Variants in HUWE1 observed in about 807,000 individuals in gnomAD.
HUWE1 encodes the protein E3 ubiquitin-protein ligase HUWE1.
Under a neutral mutation model 299.4 loss-of-function variants are expected in HUWE1, and 18 were observed. The ratio of observed to expected loss-of-function variants is 0.06; its 90% CI spans 0.04 to 0.09. The LOEUF is 0.09. Ranked by LOEUF, HUWE1 falls within the 10% of genes least tolerant of loss-of-function variation. The probability of loss-of-function intolerance (pLI) is 1.00; values close to 1 mark genes in which losing one functional copy is unlikely to be tolerated. For synonymous variants in HUWE1, 1,317 were observed against 1,286.1 expected (o/e 1.02, Z -0.51); for missense variants, 1,832 against 3,462.3 (o/e 0.53, Z 11.82).
At chrX:53,592,123 AACTGAGGACAGTTTGCCTCC>A (rs2064197629) in intron 33 of HUWE1, among the ~76,000 whole-genome samples, 1 of 112,339 alleles carries the variant, frequency 8.9e-6, no homozygotes. Context: ...ACCAGAAAGT[AACTGAGGACAGTTTGCCTCC>A]ACTGAGGCAG....
intron 47 of HUWE1, among the ~76,000 whole-genome samples, chrX:53,573,146 C>T (rs1340229233): frequency 1.8e-5 from 2 of 111,860 alleles, no homozygotes; most frequent in Admixed American, 1.9e-4. Flanking sequence ...AGTCTTCCCT[C>T]TTCAATCTCC....
rs2083015893 is a variant in HUWE1 at position 53,559,341 on chromosome X, C to T, written c.7915+13G>A. 8.3e-7 allele frequency: 1 copy of T among 1,205,569 alleles called. No individual in the cohort carries two copies. Among genetic ancestry groups the T allele is most frequent in the Non-Finnish European group, 1.1e-6 (1 of 891,119 alleles). The stretch of plus-strand genomic sequence containing the variant: ...TGACAAATTCTACCCTCCCTTTCAC[C>T]ACACAAACTTGCCTGCTTGGCTGGT... On this transcript the variant is annotated intron_variant, in intron 57 of 83. Coordinates refer to ENST00000262854, the MANE Select transcript of HUWE1 (RefSeq NM_031407.7).
intron 28 of HUWE1, 35 bp downstream of exon 28, chrX:53,602,529 A>G (rs781795782): frequency 2.5e-6 from 2 of 812,749 alleles, no homozygotes; most frequent in East Asian, 3.2e-5. Flanking sequence ...CAAAACTTAG[A>G]AGTAATGACT....
At position 53,628,783 on chromosome X, in the gene HUWE1, C is replaced by A; in HGVS notation, c.1083G>T (p.Val361=). ...TGGCCTGGATACAGTTCCTTACAAG[C>A]ACTGGCAAAAATCCATGGTAGGAGG... The part of the protein sequence containing the change: ...GTASYHGFLP[V]LVRNCIQAMI... The change falls in exon 14 of 84, where the codon GTG becomes GTT. Residue 361 remains valine, a synonymous_variant. Transcript: ENST00000262854. 2 of 1,211,675 alleles carry A rather than the reference C, an allele frequency of 1.7e-6. No individual in the cohort carries two copies. Among genetic ancestry groups the A allele is most frequent in the Non-Finnish European group, 1.1e-6 (1 of 895,229 alleles).
At chrX:53,653,884 C>A (rs1157652957) in intron 4 of HUWE1, among the ~76,000 whole-genome samples, 179 bp downstream of exon 4, 1 of 111,970 alleles carries the variant, frequency 8.9e-6, no homozygotes, top group Non-Finnish European at 1.9e-5. Flanking sequence ...CTTGGCTATC[C>A]ATTTTTTTGA....
intron 60 of HUWE1, among the ~76,000 whole-genome samples, chrX:53,556,749 A>G (rs1028436274): frequency 1.8e-5 from 2 of 112,221 alleles, no homozygotes; most frequent in Non-Finnish European, 3.8e-5. Flanking sequence ...TAATTAAAAA[A>G]AGAACAAAAA....
At chrX:53,545,001 C>T (rs1556921486) in intron 71 of HUWE1, 28 bp downstream of exon 71, 1 of 1,205,302 alleles carries the variant, frequency 8.3e-7, no homozygotes, top group African/African-American at 1.7e-5. Flanking sequence ...AGATTCAAGC[C>T]CCCAGCCAAA....
intron 23 of HUWE1, among the ~76,000 whole-genome samples, chrX:53,610,755 GTC>G (rs1569489366): frequency 1.8e-5 from 2 of 111,622 alleles, no homozygotes; most frequent in African/African-American, 3.3e-5. Context: ...GAACAACTGC[GTC>G]TCTGCACTCA....
intron 7 of HUWE1, among the ~76,000 whole-genome samples, chrX:53,644,537 T>G (rs2067835371): frequency 8.9e-6 from 1 of 112,140 alleles, no homozygotes; most frequent in Non-Finnish European, 1.9e-5. Flanking sequence ...AAGGGAGGTC[T>G]CATAGGGATG....
chrX:53,656,674 TG>T (rs782644458), intron 3 of HUWE1, among the ~76,000 whole-genome samples: 60 of 111,420 alleles, frequency 5.4e-4, no homozygotes, highest in African/African-American at 8.2e-4. Flanking sequence ...CCCAGCAAGA[TG>T]TTTTTTTGTA....
rs1174596589 is a variant in HUWE1 at position 53,546,554 on chromosome X, C to T, written c.10797G>A (p.Glu3599=). 1.7e-6 allele frequency: 2 copies of T among 1,207,930 alleles called. No individual in the cohort carries two copies. The highest frequency in any genetic ancestry group is 1.8e-5 in the African/African-American group (1 of 57,090). The change falls in exon 70 of 84, where the codon GAG becomes GAA. Residue 3599 remains glutamate (E), a synonymous_variant. Coordinates refer to ENST00000262854, the MANE Select transcript of HUWE1 (RefSeq NM_031407.7). Reference sequence around the variant, plus strand: ...GCTGCAGTAGTACGTTGGCTGCATCCTCTAAGCCTTCCTCAGAACAAGAGT... The same window carrying T: ...GCTGCAGTAGTACGTTGGCTGCATCTTCTAAGCCTTCCTCAGAACAAGAGT... ...TSHSCSEEGL[E]DAANVLLQLS...
At chrX:53,685,479 T>G (rs1419639997) in intron 2 of HUWE1, among the ~76,000 whole-genome samples, 1 of 112,487 alleles carries the variant, frequency 8.9e-6, no homozygotes, top group Non-Finnish European at 1.9e-5. Context: ...GAACAGGTTT[T>G]TTATTATTAA....
chrX:53,654,093 C>T lies in HUWE1; in HGVS notation c.15G>A (p.Arg5=). The change falls in exon 4 of 84, where the codon AGG becomes AGA. Residue 5 remains arginine (R), a synonymous_variant. Coordinates refer to ENST00000262854, the MANE Select transcript of HUWE1 (RefSeq NM_031407.7). The stretch of plus-strand genomic sequence containing the variant: ...CAGTAGGTGTCTTCTTCAGTTTAGT[C>T]CTGTCTACTTTCATGATTTCAATTT... MKVD[R]TKLKKTPTEA... 4 of 1,187,220 alleles carry T rather than the reference C, an allele frequency of 3.4e-6. No homozygotes were observed. The highest frequency in any genetic ancestry group is 3.4e-6 in the Non-Finnish European group (3 of 874,383).
intron 18 of HUWE1, 135 bp downstream of exon 18, chrX:53,625,022 C>T: frequency 2.0e-6 from 1 of 502,415 alleles, no homozygotes; most frequent in Non-Finnish European, 3.6e-6. Flanking sequence ...CACAAAACAA[C>T]TAAAAGCTAT....
chrX:53,543,726 A>G lies in HUWE1; in HGVS notation c.11379+115T>C. 9 of 1,063,129 alleles carry G rather than the reference A, an allele frequency of 8.5e-6. No homozygotes were observed. In the South Asian group the frequency reaches 1.8e-4, roughly 21 times the overall value. 87.6% of individuals were successfully genotyped at this position (1,063,129 alleles called of 1,213,427 possible). A position where few individuals can be genotyped will look rare whatever the true frequency, so the allele number is the denominator to read the frequency against. On this transcript the variant is annotated intron_variant, in intron 73 of 83. Transcript: ENST00000262854. ...AACCCTTTTGTCCAGAAGCATTCAT[A>G]TAGCAAACTTAATGCAAAAGCATAC...
At chrX:53,579,085 T>C (rs78567358) in intron 43 of HUWE1, among the ~76,000 whole-genome samples, 181 of 20,739 alleles carry the variant, frequency 8.7e-3, no homozygotes, top group Non-Finnish European at 9.0e-3. Flanking sequence ...GGGTCAGCCC[T>C]CCGCCCGGCC....
intron 3 of HUWE1, among the ~76,000 whole-genome samples, chrX:53,667,666 T>C (rs901018083): frequency 8.9e-6 from 1 of 112,097 alleles, no homozygotes; most frequent in African/African-American, 3.2e-5. Context: ...CGGGGACGCC[T>C]GTACTAAGAA....
chrX:53,628,740 A>G lies in HUWE1; in HGVS notation c.1114+12T>C. 1 of 1,211,401 alleles carries G rather than the reference A, an allele frequency of 8.3e-7. No homozygotes were observed. The highest frequency in any genetic ancestry group is 1.1e-6 in the Non-Finnish European group (1 of 895,074). On this transcript the variant is annotated intron_variant, in intron 14 of 83. Transcript: ENST00000262854. ...TTTCTTCTTGCCTAAGATAATCACC[A>G]TCAAAACTTACCAATCATGGCCTGG...
chrX:53,632,639 T>C, intron 8 of HUWE1, 75 bp from the exon 9 acceptor site: 1 of 770,662 alleles, frequency 1.3e-6, no homozygotes, highest in South Asian at 2.1e-5. Context: ...ACATCTTCCC[T>C]CAAAGTCCTA....
Sources: allele counts gnomAD v4.1 joint callset (sites outside exome capture counted in the v4.1 genomes callset), GRCh38; gene constraint gnomAD v4.1.1; transcripts MANE v1.5; gene names NCBI Gene and HGNC (gene_info 2026-07-23, HGNC 2026-07-21).